Variants in MITF observed in about 807,000 individuals in gnomAD.
MITF encodes the protein microphthalmia-associated transcription factor.
MITF carries 17 observed loss-of-function variants against 60.5 expected under a neutral mutation model. That is an observed-to-expected ratio of 0.28 (90% CI 0.19 to 0.42). The LOEUF (loss-of-function observed/expected upper bound fraction) is 0.42, where lower values mean the gene tolerates loss of function less well. Ranked by LOEUF, MITF falls within the 10% of genes least tolerant of loss-of-function variation. The pLI is 1.00. For missense variants in MITF, 622 were observed against 683.5 expected (o/e 0.91, Z 1.00); for synonymous variants, 260 against 248.5 (o/e 1.05, Z -0.43).
chr3:69,783,206 A>G (rs2106883386), intron 1 of MITF, among the ~76,000 whole-genome samples: 1 of 152,294 alleles, frequency 6.6e-6, no homozygotes, highest in South Asian at 2.1e-4. Flanking sequence ...GTTTGGAAGT[A>G]GAGACCTAGG....
chr3:69,894,202 G>T (rs573557171), intron 2 of MITF, among the ~76,000 whole-genome samples: 2 of 152,250 alleles, frequency 1.3e-5, no homozygotes, highest in Non-Finnish European at 1.5e-5. Flanking sequence ...ACAGCCTTTC[G>T]CCCCTAAGCC....
intron 1 of MITF, among the ~76,000 whole-genome samples, chr3:69,776,619 C>G (rs2062477873): frequency 6.6e-6 from 1 of 152,178 alleles, no homozygotes; most frequent in Non-Finnish European, 1.5e-5. Flanking sequence ...CTGGGTCTTG[C>G]AGACAGTTAG....
intron 9 of MITF, among the ~76,000 whole-genome samples, chr3:69,963,241 A>G (rs539135035): frequency 6.6e-6 from 1 of 152,174 alleles, no homozygotes; most frequent in African/African-American, 2.4e-5. Flanking sequence ...AAAATTGTTC[A>G]TCTTATAGAT....
intron 1 of MITF, among the ~76,000 whole-genome samples, chr3:69,753,282 C>CA: frequency 6.6e-6 from 1 of 152,328 alleles, no homozygotes; most frequent in East Asian, 1.9e-4. Context: ...GCACAGAGTG[C>CA]AAGAGCTGGG....
At chr3:69,871,574 C>G (rs2064237716) in intron 1 of MITF, among the ~76,000 whole-genome samples, 1 of 152,228 alleles carries the variant, frequency 6.6e-6, no homozygotes, top group South Asian at 2.1e-4. Flanking sequence ...TGTACCCATT[C>G]ACTGCTCCTT....
intron 1 of MITF, among the ~76,000 whole-genome samples, chr3:69,859,327 C>G (rs537836222): frequency 6.6e-6 from 1 of 152,334 alleles, no homozygotes; most frequent in African/African-American, 2.4e-5. Context: ...GCATCGTTGT[C>G]TGCAAGAAAC....
chr3:69,938,010 C>T lies in MITF; in HGVS notation c.543C>T (p.Pro181=), dbSNP rs1391724046. 1.9e-6 allele frequency: 3 copies of T among 1,614,088 alleles called. No homozygotes were observed. The highest frequency in any genetic ancestry group is 8.5e-7 in the Non-Finnish European group (1 of 1,180,022). Residue 181 remains proline (P), a synonymous_variant, in exon 3 of 10, where the codon CCC becomes CCT. Coordinates refer to ENST00000352241, the MANE Select transcript of MITF (RefSeq NM_001354604.2). ...CGGGGAGCAGCGCACCCAACAGCCC[C>T]ATGGCTATGCTTACGCTTAACTCCA... The part of the protein sequence containing the change: ...PVPGSSAPNS[P]MAMLTLNSNC...
intron 1 of MITF, among the ~76,000 whole-genome samples, chr3:69,785,275 A>G (rs2062629760): frequency 2.2e-5 from 1 of 44,474 alleles, no homozygotes; most frequent in Non-Finnish European, 8.6e-5. Flanking sequence ...AACAGCAAGC[A>G]GCAGCAGCAG....
chr3:69,885,576 A>G (rs1429164582), intron 2 of MITF, among the ~76,000 whole-genome samples: 1 of 152,102 alleles, frequency 6.6e-6, no homozygotes, highest in Non-Finnish European at 1.5e-5. Flanking sequence ...GTTGGAGGGC[A>G]AAAGAGTCTT....
In MITF at chr3:69,936,701, T is replaced by C. The variant is rs749056661; in HGVS notation, c.355-1121T>C. 6 of 1,613,596 alleles carry C rather than the reference T, an allele frequency of 3.7e-6. No individual in the cohort carries two copies. In the Admixed American group the frequency reaches 5.0e-5, roughly 13 times the overall value. ...GATAGTCTACCGTCTCTCACTGGATTGGTGCCACCTAAAACATTGTTATGC... is the reference window on the plus strand; with the variant it reads ...GATAGTCTACCGTCTCTCACTGGATCGGTGCCACCTAAAACATTGTTATGC... On this transcript the variant is annotated intron_variant, in intron 2 of 9. Transcript: ENST00000352241.
chr3:69,962,047 C>G (rs561147917), intron 9 of MITF, among the ~76,000 whole-genome samples: 2 of 152,302 alleles, frequency 1.3e-5, no homozygotes, highest in South Asian at 4.1e-4. Flanking sequence ...ATTTAGAAAT[C>G]TGAGTAATGC....
rs1382909242 is a variant in MITF at position 69,966,683 on chromosome 3, A to G, written c.*1435A>G. Reference sequence around the variant, plus strand: ...GTGCATTATCTACTTGTGTAGTCCTATGCAATAACAGTAGTGTTACATGTA... The same window carrying G: ...GTGCATTATCTACTTGTGTAGTCCTGTGCAATAACAGTAGTGTTACATGTA... On this transcript the variant is annotated 3_prime_UTR_variant, in exon 10 of 10. Coordinates refer to ENST00000352241, the MANE Select transcript of MITF (RefSeq NM_001354604.2). The G allele has an allele frequency of 1.3e-5, 3 of 232,942 alleles. No homozygotes were observed. The highest frequency in any genetic ancestry group is 1.8e-4 in the South Asian group (1 of 5,534). The allele number at this position is 232,942 out of a possible 1,614,324, so 14.4% of individuals were successfully genotyped here.
At chr3:69,870,428 A>G (rs1318779622) in intron 1 of MITF, among the ~76,000 whole-genome samples, 4 of 145,586 alleles carry the variant, frequency 2.7e-5, no homozygotes, top group African/African-American at 1.0e-4. Flanking sequence ...GTGTGTGTAT[A>G]TATATATATA....
intron 1 of MITF, among the ~76,000 whole-genome samples, chr3:69,798,538 A>G (rs1450379396): frequency 6.6e-6 from 1 of 152,162 alleles, no homozygotes; most frequent in East Asian, 1.9e-4. Flanking sequence ...TGTTATTGTC[A>G]TTTTCATGAT....
chr3:69,895,111 A>G (rs529294804), intron 2 of MITF, among the ~76,000 whole-genome samples: 1 of 152,334 alleles, frequency 6.6e-6, no homozygotes, highest in East Asian at 1.9e-4. Context: ...TCGCCCACCT[A>G]CAGACCACTG....
At chr3:69,842,221 C>A (rs1238675679) in intron 1 of MITF, among the ~76,000 whole-genome samples, 2 of 152,052 alleles carry the variant, frequency 1.3e-5, no homozygotes, top group African/African-American at 4.8e-5. Flanking sequence ...AATCATCAGG[C>A]TACTCCAAAA....
chr3:69,740,000 G>A (rs1703470278), intron 1 of MITF, among the ~76,000 whole-genome samples: 1 of 152,140 alleles, frequency 6.6e-6, no homozygotes, highest in African/African-American at 2.4e-5. Flanking sequence ...ATTGGGGGCT[G>A]GGGAGCGACC....
At chr3:69,828,735 T>A (rs2107085076) in intron 1 of MITF, among the ~76,000 whole-genome samples, 1 of 152,322 alleles carries the variant, frequency 6.6e-6, no homozygotes, top group South Asian at 2.1e-4. Context: ...TTTCTGTGTT[T>A]TAATCTTGGG....
Position 69,783,699 on chromosome 3 carries a change from G to GT in MITF, c.104+44007dup, listed in dbSNP as rs546272697. Among the ~76,000 whole-genome samples the GT allele has an allele frequency of 4.4e-3, 668 of 151,094 alleles. 1 individual carries two copies. The highest frequency in any genetic ancestry group is 0.012 in the African/African-American group (477 of 41,216). ...GGATGTTTTAAATTATCCAGAATAT[G>GT]TTTTTTTTTGTTCGTGTATGTGTAT... On this transcript the variant is annotated intron_variant, in intron 1 of 9. Transcript: ENST00000352241.
Sources: gnomAD v4.1 joint callset for allele counts (sites outside exome capture counted in the v4.1 genomes callset) on GRCh38, gnomAD v4.1.1 for gene constraint, MANE v1.5 for transcripts, NCBI Gene and HGNC (gene_info 2026-07-23, HGNC 2026-07-21) for gene names.